The following PHACTR2 variants were observed in gnomAD, a reference collection of about 807,000 sequenced individuals.
PHACTR2 encodes the protein chromosome 6 open reading frame 56.
In PHACTR2, 30 loss-of-function variants were observed where a neutral mutation model predicts 76.0. The ratio of observed to expected loss-of-function variants is 0.39; its 90% CI spans 0.30 to 0.54. PHACTR2 has a LOEUF of 0.54. Ranked by LOEUF, PHACTR2 falls within the 20% of genes least tolerant of loss-of-function variation. The pLI, the probability that PHACTR2 is intolerant of heterozygous loss-of-function variation, is 0.61. For synonymous variants in PHACTR2, 292 were observed against 292.5 expected (o/e 1.00, Z 0.02); for missense variants, 696 against 781.1 (o/e 0.89, Z 1.30).
In PHACTR2 at chr6:143,765,398, A is replaced by G. The variant is rs907031811; in HGVS notation, c.832A>G (p.Lys278Glu). The change falls in exon 6 of 13, where the codon AAG (lysine) becomes GAG (glutamate). Residue 278 changes from lysine to glutamate, a missense_variant. By Grantham distance (56) the Lys-to-Glu change is moderately conservative (BLOSUM62 1). Transcript: ENST00000440869. This position sits in a 1 kb window ranked among gnomAD's most constrained non-coding sequence, Gnocchi z 4.1. ...AGGGACAGTGGGGACCACCAAGGGCAAGAGAAAAACTGACAAGCAGCCAAT... is the reference window on the plus strand; with the variant it reads ...AGGGACAGTGGGGACCACCAAGGGCGAGAGAAAAACTGACAAGCAGCCAAT... The part of the protein sequence containing the change: ...KAGTVGTTKG[K>E]RKTDKQPITS... 5.0e-6 allele frequency: 8 copies of G among 1,614,268 alleles called. No individual in the cohort carries two copies. Among genetic ancestry groups the G allele is most frequent in the African/African-American group, 1.3e-5 (1 of 75,066 alleles).
At position 143,539,128 on chromosome 6, in the gene PHACTR2, G is replaced by A. The variant is rs866868153; in HGVS notation, c.217+1921G>A. 1.3e-5 allele frequency among the ~76,000 whole-genome samples: 2 copies of A among 152,216 alleles called. No individual in the cohort carries two copies. Among genetic ancestry groups the A allele is most frequent in the South Asian group, 2.1e-4 (1 of 4,826 alleles). On this transcript the variant is annotated intron_variant, in intron 1 of 11. Transcript: ENST00000367584. The surrounding 1 kb of genome is among the most constrained non-coding windows in gnomAD (Gnocchi z 4.3). ...CTGTATGCCGAAAAAGGACAGCAAA[G>A]ACATTTAAAATGTGAGTGTGCAAAG...
chr6:143,589,587 TTTCTC>T lies in PHACTR2; in HGVS notation c.217+52382_217+52386del, dbSNP rs769801187. On this transcript the variant is annotated intron_variant, in intron 1 of 11. Coordinates refer to the PHACTR2 transcript ENST00000367584. The surrounding 1 kb of genome is among the most constrained non-coding windows in gnomAD (Gnocchi z 4.4). Reference sequence around the variant, plus strand: ...GCCGTCTTGTATCCTCAGGTGGTCTTTTCTCTGTGTGTTCACTTCCGGTGTCTCTG... The same window carrying T: ...GCCGTCTTGTATCCTCAGGTGGTCTTTGTGTGTTCACTTCCGGTGTCTCTG... Among the ~76,000 whole-genome samples the T allele has an allele frequency of 9.2e-5, 14 of 152,184 alleles. No homozygotes were observed. Among genetic ancestry groups the T allele is most frequent in the Non-Finnish European group, 1.8e-4 (12 of 68,028 alleles).
At chr6:143,814,310 C>T (rs1776250607) in intron 12 of PHACTR2, among the ~76,000 whole-genome samples, 1 of 151,806 alleles carries the variant, frequency 6.6e-6, no homozygotes, top group Non-Finnish European at 1.5e-5. Context: ...AAGCTGAGAT[C>T]GCCTGGGCAA....
chr6:143,767,455 CTTTG>C lies in PHACTR2; in HGVS notation c.1232+1662_1232+1665del, dbSNP rs1421194689. On this transcript the variant is annotated intron_variant, in intron 6 of 12. Transcript: ENST00000440869. The surrounding 1 kb of genome is among the most constrained non-coding windows in gnomAD (Gnocchi z 4.4). Reference sequence around the variant, plus strand: ...GTCAAATTACAAATTAATTTATTTTCTTTGTTTGACATTTTAATAAAAGATATGG... The same window carrying C: ...GTCAAATTACAAATTAATTTATTTTCTTTGACATTTTAATAAAAGATATGG... 2.6e-5 allele frequency among the ~76,000 whole-genome samples: 4 copies of C among 152,034 alleles called. No individual in the cohort carries two copies. Among genetic ancestry groups the C allele is most frequent in the African/African-American group, 7.3e-5 (3 of 41,378 alleles).
chr6:143,711,174 C>T (rs554091357), intron 1 of PHACTR2: 6 of 377,574 alleles, frequency 1.6e-5, no homozygotes, highest in South Asian at 1.2e-4. Flanking sequence ...TTTCTGCCTC[C>T]AAGAAAAAAC....
Position 143,760,526 on chromosome 6 carries a change from G to A in PHACTR2, c.580G>A (p.Ala194Thr). 1 of 1,613,870 alleles carries A rather than the reference G, an allele frequency of 6.2e-7. No homozygotes were observed. Among genetic ancestry groups the A allele is most frequent in the East Asian group, 2.2e-5 (1 of 44,862 alleles). Residue 194 changes from alanine (A) to threonine (T), a missense_variant, in exon 5 of 13, where the codon GCC becomes ACC. Ala to Thr is a moderately conservative substitution (Grantham distance 58). This residue lies in a region of PHACTR2 where 460 missense variants were observed against 450.9 expected (regional missense o/e 1.02). Coordinates refer to ENST00000440869, the MANE Select transcript of PHACTR2 (RefSeq NM_001100164.2). This position sits in a 1 kb window ranked among gnomAD's most constrained non-coding sequence, Gnocchi z 6.4. ...GCCTCCGAAAGGGGCCACTGCTGGG[G>A]CCAGCCACAAAGGTGATGAAGTGCC... ...PVPPKGATAGASHKGDEVPPI... is the reference protein window; with the variant it reads ...PVPPKGATAGTSHKGDEVPPI...
At position 143,688,435 on chromosome 6, in the gene PHACTR2, C is replaced by T. The variant is rs1462818219; in HGVS notation, c.46+10226C>T. On this transcript the variant is annotated intron_variant, in intron 1 of 12. Transcript: ENST00000440869. The surrounding 1 kb of genome is among the most constrained non-coding windows in gnomAD (Gnocchi z 5.2). ...TCTGCAACTCTGACCTTTCTCTGCA[C>T]TGCAGGCTCAAATGTGCAACTCCCT... is the stretch of plus-strand genomic sequence containing the variant. 9.9e-5 allele frequency among the ~76,000 whole-genome samples: 15 copies of T among 152,272 alleles called. 2 individuals are homozygous for T. Among genetic ancestry groups the T allele is most frequent in the Admixed American group, 7.8e-4 (12 of 15,290 alleles).
In PHACTR2 at chr6:143,663,514, A is replaced by T. The variant is rs1200793092; in HGVS notation, c.14-48502A>T. ...AATATTGACCTAATTCATTTGTGTG[A>T]TTATCTTTCCCTGAATAGATCTTTT... On this transcript the variant is annotated intron_variant, in intron 1 of 11. Coordinates refer to the PHACTR2 transcript ENST00000305766. This position sits in a 1 kb window ranked among gnomAD's most constrained non-coding sequence, Gnocchi z 4.1. Among the ~76,000 whole-genome samples, 2 of 151,740 alleles carry T rather than the reference A, an allele frequency of 1.3e-5. No homozygotes were observed. The highest frequency in any genetic ancestry group is 3.9e-4 in the East Asian group (2 of 5,190).
In PHACTR2 at chr6:143,710,018, T is replaced by C. The variant is rs1199006742; in HGVS notation, c.47-1998T>C. ...TCTAGTAACTCCATTCAGCCTTTGCTGGCATGCATGGTCACAGGTTCTTCT... is the reference window on the plus strand; with the variant it reads ...TCTAGTAACTCCATTCAGCCTTTGCCGGCATGCATGGTCACAGGTTCTTCT... On this transcript the variant is annotated intron_variant, in intron 1 of 12. Coordinates refer to ENST00000440869, the MANE Select transcript of PHACTR2 (RefSeq NM_001100164.2). This position sits in a 1 kb window ranked among gnomAD's most constrained non-coding sequence, Gnocchi z 4.9. Among the ~76,000 whole-genome samples, 1 of 152,152 alleles carries C rather than the reference T, an allele frequency of 6.6e-6. No homozygotes were observed. The highest frequency in any genetic ancestry group is 2.4e-5 in the African/African-American group (1 of 41,430).
intron 1 of PHACTR2, among the ~76,000 whole-genome samples, chr6:143,635,210 A>G (rs934293049): frequency 1.3e-5 from 2 of 152,164 alleles, no homozygotes; most frequent in Non-Finnish European, 2.9e-5. Context: ...AACAGTATCC[A>G]TTGGATATCT....
Position 143,666,492 on chromosome 6 carries a change from C to A in PHACTR2, c.14-45524C>A, listed in dbSNP as rs549663541. Among the ~76,000 whole-genome samples, 93 of 152,342 alleles carry A rather than the reference C, an allele frequency of 6.1e-4. 1 individual carries two copies. Among genetic ancestry groups the A allele is most frequent in the Middle Eastern group, 6.8e-3 (2 of 294 alleles). On this transcript the variant is annotated intron_variant, in intron 1 of 11. Transcript: ENST00000305766. ...TGTTTGAACTAATTTACATGCCCAA[C>A]AACAGTGTAACAGCATTCCCATGTT...
chr6:143,671,728 A>G lies in PHACTR2; in HGVS notation c.14-40288A>G, dbSNP rs1322399120. Among the ~76,000 whole-genome samples, 1 of 152,234 alleles carries G rather than the reference A, an allele frequency of 6.6e-6. No individual in the cohort carries two copies. The highest frequency in any genetic ancestry group is 1.5e-5 in the Non-Finnish European group (1 of 68,040). On this transcript the variant is annotated intron_variant, in intron 1 of 11. Transcript: ENST00000305766. The surrounding 1 kb of genome is among the most constrained non-coding windows in gnomAD (Gnocchi z 4.6). ...TATTTGTTGAGTGGTGAACCAATCAATGAGTTATTATTAATATAGAACTAG... is the reference window on the plus strand; with the variant it reads ...TATTTGTTGAGTGGTGAACCAATCAGTGAGTTATTATTAATATAGAACTAG...
intron 1 of PHACTR2, among the ~76,000 whole-genome samples, chr6:143,650,159 A>T (rs1315761541): frequency 6.6e-6 from 1 of 152,234 alleles, no homozygotes; most frequent in Non-Finnish European, 1.5e-5. Context: ...TTCAAGGAGA[A>T]CTACAAACCA....
chr6:143,685,048 A>T (rs9496730), intron 1 of PHACTR2, among the ~76,000 whole-genome samples: 10,569 of 152,042 alleles, frequency 0.07, 663 homozygotes, highest in African/African-American at 0.17. Flanking sequence ...AACATTAAAA[A>T]TTTTTTTCTT....
rs1277962889 is a variant in PHACTR2 at position 143,764,815 on chromosome 6, C to T, written c.695-446C>T. ...AGTCTCTTCTGAATACAGGCCACCA[C>T]TCTATTCCTAGAAAGACAGCATAGA... On this transcript the variant is annotated intron_variant, in intron 5 of 12. Transcript: ENST00000440869. This position sits in a 1 kb window ranked among gnomAD's most constrained non-coding sequence, Gnocchi z 4.7. Among the ~76,000 whole-genome samples, 2 of 152,208 alleles carry T rather than the reference C, an allele frequency of 1.3e-5. No homozygotes were observed. Among genetic ancestry groups the T allele is most frequent in the African/African-American group, 4.8e-5 (2 of 41,464 alleles).
At chr6:143,715,881 CAG>C (rs1454144977) in intron 2 of PHACTR2, among the ~76,000 whole-genome samples, 2 of 152,200 alleles carry the variant, frequency 1.3e-5, no homozygotes, top group African/African-American at 2.4e-5. Flanking sequence ...TCTCCTCACG[CAG>C]AGTCTTTAAC....
chr6:143,800,107 T>C lies in PHACTR2; in HGVS notation c.1846-6950T>C, dbSNP rs1031436630. Among the ~76,000 whole-genome samples, 2 of 152,342 alleles carry C rather than the reference T, an allele frequency of 1.3e-5. No individual in the cohort carries two copies. Among genetic ancestry groups the C allele is most frequent in the Admixed American group, 1.3e-4 (2 of 15,302 alleles). The stretch of plus-strand genomic sequence containing the variant: ...TATTTAGGATAGTTAACTCTTTTTG[T>C]TGAATTGATCCCTTCACCATTACGT... On this transcript the variant is annotated intron_variant, in intron 11 of 12. Coordinates refer to ENST00000440869, the MANE Select transcript of PHACTR2 (RefSeq NM_001100164.2). This position sits in a 1 kb window ranked among gnomAD's most constrained non-coding sequence, Gnocchi z 4.8.
Position 143,765,668 on chromosome 6 carries a change from G to C in PHACTR2, c.1102G>C (p.Val368Leu). 6.2e-7 allele frequency: 1 copy of C among 1,614,072 alleles called. No individual in the cohort carries two copies. The highest frequency in any genetic ancestry group is 8.5e-7 in the Non-Finnish European group (1 of 1,180,026). ...ITASDTPVVL[V>L]SVGADLPVSA... ...TGCCTCAGACACTCCAGTTGTCCTCGTCAGCGTTGGAGCTGACCTGCCCGT... is the reference window on the plus strand; with the variant it reads ...TGCCTCAGACACTCCAGTTGTCCTCCTCAGCGTTGGAGCTGACCTGCCCGT... The change falls in exon 6 of 13, where the codon GTC becomes CTC. Residue 368 changes from valine to leucine, a missense_variant. By Grantham distance (32) the Val-to-Leu change is conservative. Coordinates refer to ENST00000440869, the MANE Select transcript of PHACTR2 (RefSeq NM_001100164.2). This position sits in a 1 kb window ranked among gnomAD's most constrained non-coding sequence, Gnocchi z 4.1.
chr6:143,782,203 G>T lies in PHACTR2; in HGVS notation c.1646-1016G>T, dbSNP rs1300148052. Among the ~76,000 whole-genome samples, 1 of 152,106 alleles carries T rather than the reference G, an allele frequency of 6.6e-6. No homozygotes were observed. Among genetic ancestry groups the T allele is most frequent in the African/African-American group, 2.4e-5 (1 of 41,416 alleles). ...ATCGCGCCACTGCACTCTAGCCTGG[G>T]TGACAGAGCGAGAATCCGTTTCAAA... On this transcript the variant is annotated intron_variant, in intron 9 of 12. Coordinates refer to ENST00000440869, the MANE Select transcript of PHACTR2 (RefSeq NM_001100164.2). This position sits in a 1 kb window ranked among gnomAD's most constrained non-coding sequence, Gnocchi z 4.6.
Sources: gnomAD v4.1 joint callset for allele counts (sites outside exome capture counted in the v4.1 genomes callset) on GRCh38, gnomAD v4.1.1 for gene constraint, gnomAD v4.1.1 regional missense constraint, Gnocchi (gnomAD v3.1) non-coding constraint, MANE v1.5 for transcripts, NCBI Gene and HGNC (gene_info 2026-07-23, HGNC 2026-07-21) for gene names.